The following PARD3B variants were observed in gnomAD, a reference collection of about 807,000 sequenced individuals.
PARD3B encodes the protein partitioning defective 3 homolog B.
Under a neutral mutation model 130.2 loss-of-function variants are expected in PARD3B, and 103 were observed. The ratio of observed to expected loss-of-function variants is 0.79; its 90% CI spans 0.67 to 0.93. The LOEUF (loss-of-function observed/expected upper bound fraction) is 0.93, where lower values mean the gene tolerates loss of function less well. Among genes scored for constraint, PARD3B ranks in the 40% least tolerant of loss-of-function variants. PARD3B has a pLI of 0.00. For synonymous variants in PARD3B, 583 were observed against 553.2 expected (o/e 1.05, Z -0.76); for missense variants, 1,609 against 1,499.2 (o/e 1.07, Z -1.21).
rs1472369911 is a variant in PARD3B, at chr2:205,499,939, C to T, written c.3088C>T (p.Arg1030Trp). 5 of 1,613,600 alleles carry T rather than the reference C, an allele frequency of 3.1e-6. No homozygotes were observed. Among genetic ancestry groups the T allele is most frequent in the East Asian group, 2.2e-5 (1 of 44,862 alleles). Residue 1030 changes from arginine (R) to tryptophan (W), a missense_variant, in exon 21 of 23, where the codon CGG (arginine) becomes TGG (tryptophan). Transcript: ENST00000406610. ...AAGCACTGACCGTATCCAGAAGTTG[C>T]GGAAAGAGTATTATCAGGCTCGGAG... ...GGSTDRIQKL[R>W]KEYYQARREG...
intron 21 of PARD3B, among the ~76,000 whole-genome samples, chr2:205,551,394 T>A (rs1039376970): frequency 1.3e-5 from 2 of 151,868 alleles, no homozygotes; most frequent in African/African-American, 4.8e-5. Context: ...TCCTTGCCTC[T>A]GGTTTTGGTA....
chr2:205,582,469 A>G (rs1332839677), intron 22 of PARD3B, among the ~76,000 whole-genome samples: 3 of 152,228 alleles, frequency 2.0e-5, no homozygotes, highest in Admixed American at 1.3e-4. Flanking sequence ...AGCAGGTTCA[A>G]TCAGAGAAGG....
intron 2 of PARD3B, among the ~76,000 whole-genome samples, chr2:204,872,589 T>A (rs184167797): frequency 1.3e-5 from 2 of 152,182 alleles, no homozygotes; most frequent in African/African-American, 2.4e-5. Flanking sequence ...GTGCCCAGAC[T>A]GCTGTCATAC....
At chr2:205,185,027 T>C (rs947580943) in intron 13 of PARD3B, among the ~76,000 whole-genome samples, 3 of 152,190 alleles carry the variant, frequency 2.0e-5, no homozygotes, top group Non-Finnish European at 4.4e-5. Flanking sequence ...TGAAATAATA[T>C]ACAAGGCTTA....
chr2:205,178,211 C>A (rs1207828245), intron 13 of PARD3B, among the ~76,000 whole-genome samples: 1 of 98,734 alleles, frequency 1.0e-5, no homozygotes, highest in African/African-American at 3.6e-5. Context: ...GCCTGTAATC[C>A]CAGCTACTAT....
At chr2:205,476,288 G>A (rs959444988) in intron 20 of PARD3B, among the ~76,000 whole-genome samples, 5 of 152,196 alleles carry the variant, frequency 3.3e-5, no homozygotes, top group African/African-American at 4.8e-5. Context: ...TTGACTGTAA[G>A]TGACTTAATT....
intron 1 of PARD3B, among the ~76,000 whole-genome samples, chr2:204,584,663 T>A (rs1286972829): frequency 1.3e-5 from 2 of 152,188 alleles, no homozygotes; most frequent in Non-Finnish European, 2.9e-5. Flanking sequence ...TGGGATATGA[T>A]GTGGACATTG....
intron 20 of PARD3B, among the ~76,000 whole-genome samples, chr2:205,447,324 G>T (rs1030430107): frequency 3.9e-5 from 6 of 152,182 alleles, no homozygotes; most frequent in Non-Finnish European, 8.8e-5. Flanking sequence ...AGTTCCTGGG[G>T]CAGTCTGTCC....
chr2:205,319,264 G>C (rs1045836317), intron 18 of PARD3B, among the ~76,000 whole-genome samples: 2 of 152,078 alleles, frequency 1.3e-5, no homozygotes, highest in African/African-American at 2.4e-5. Context: ...TTCTACTCTG[G>C]AATCCGCTCC....
chr2:204,993,916 G>A (rs1274090033), intron 3 of PARD3B, among the ~76,000 whole-genome samples: 19 of 151,456 alleles, frequency 1.3e-4, no homozygotes, highest in African/African-American at 2.7e-4. Flanking sequence ...CTGTGGGATC[G>A]GTGGTGATAT....
intron 2 of PARD3B, among the ~76,000 whole-genome samples, chr2:204,744,233 A>G (rs1318918524): frequency 1.3e-5 from 2 of 152,140 alleles, no homozygotes; most frequent in Non-Finnish European, 2.9e-5. Context: ...CTTGGACCAT[A>G]TATTCTCCTG....
chr2:205,041,185 C>T (rs530485794), intron 3 of PARD3B, among the ~76,000 whole-genome samples: 117 of 152,242 alleles, frequency 7.7e-4, no homozygotes, highest in African/African-American at 2.6e-3. Context: ...ATTCTAGAAA[C>T]CAATATGATT....
intron 4 of PARD3B, among the ~76,000 whole-genome samples, chr2:205,055,344 G>A (rs562077825): frequency 6.6e-6 from 1 of 152,096 alleles, no homozygotes; most frequent in South Asian, 2.1e-4. Context: ...AGTTGATTTG[G>A]AAGAAAATAA....
At chr2:205,462,393 ACACCTGCACATG>A (rs2048480989) in intron 20 of PARD3B, among the ~76,000 whole-genome samples, 1 of 152,104 alleles carries the variant, frequency 6.6e-6, no homozygotes, top group Non-Finnish European at 1.5e-5. Flanking sequence ...GTTTTTTTTG[ACACCTGCACATG>A]CATTCTTAGT....
chr2:204,639,308 A>G (rs1185637073), intron 1 of PARD3B, among the ~76,000 whole-genome samples: 1 of 152,218 alleles, frequency 6.6e-6, no homozygotes, highest in South Asian at 2.1e-4. Context: ...TTTCTGGAAC[A>G]AAATTTCTAG....
intron 3 of PARD3B, among the ~76,000 whole-genome samples, chr2:205,035,783 G>A (rs1482342922): frequency 8.4e-6 from 1 of 119,016 alleles, no homozygotes. Context: ...ATCTATCGGA[G>A]TCAGAGATAT....
rs999939899 is a variant in PARD3B, at chr2:205,584,425, C to T, written c.3260+31022C>T. On this transcript the variant is annotated intron_variant, in intron 22 of 22. Coordinates refer to ENST00000406610, the MANE Select transcript of PARD3B (RefSeq NM_001302769.2). This position sits in a 1 kb window ranked among gnomAD's most constrained non-coding sequence, Gnocchi z 5.5. ...GGACACGATAGCTCATGCTTACAAT[C>T]CCAGCACTTTAGGAGGCCGAGGCAG... Among the ~76,000 whole-genome samples, 1 of 152,090 alleles carries T rather than the reference C, an allele frequency of 6.6e-6. No individual in the cohort carries two copies. The highest frequency in any genetic ancestry group is 2.4e-5 in the African/African-American group (1 of 41,392).
rs77557581 is a variant in PARD3B, at chr2:204,947,510, C to A, written c.223-17642C>A. ...GGGAACTACAGTACATAGGACAACT[C>A]TAGAACTATTTTCAAGGTATCCCTT... is the stretch of plus-strand genomic sequence containing the variant. On this transcript the variant is annotated intron_variant, in intron 2 of 22. Transcript: ENST00000406610. 3.1e-3 allele frequency among the ~76,000 whole-genome samples: 471 copies of A among 152,060 alleles called. 4 individuals are homozygous for A. Among genetic ancestry groups the A allele is most frequent in the African/African-American group, 0.011 (439 of 41,454 alleles).
intron 3 of PARD3B, among the ~76,000 whole-genome samples, chr2:205,045,112 G>GT (rs201589277): frequency 0.13 from 17,565 of 138,488 alleles, 1,110 homozygotes; most frequent in Middle Eastern, 0.2. Flanking sequence ...CCATCTTAAA[G>GT]TTTTTTTTTT....
Sources: allele counts gnomAD v4.1 joint callset (sites outside exome capture counted in the v4.1 genomes callset), GRCh38; gene constraint gnomAD v4.1.1; non-coding constraint Gnocchi (gnomAD v3.1); transcripts MANE v1.5; gene names NCBI Gene and HGNC (gene_info 2026-07-23, HGNC 2026-07-21).